LINC00305: variants seen among roughly 807,000 people sequenced by gnomAD.
LINC00305 encodes the protein long independently transcribed non-coding RNA 305.
chr18:64,084,410 G>A (rs543809887), intron 3 of LINC00305, among the ~76,000 whole-genome samples: 7 of 152,046 alleles, frequency 4.6e-5, no homozygotes, highest in Non-Finnish European at 1.0e-4. Context: ...GGTAACAAAT[G>A]TTACCCTGGT....
intron 3 of LINC00305, among the ~76,000 whole-genome samples, chr18:64,092,687 A>ATCTT (rs2051229548): frequency 6.6e-6 from 1 of 152,182 alleles, no homozygotes; most frequent in African/African-American, 2.4e-5. Flanking sequence ...TACTGGGGTG[A>ATCTT]TCTTCCCCAA....
intron 1 of LINC00305, chr18:64,103,952 G>A (rs183444407): frequency 6.5e-4 from 99 of 152,316 alleles, no homozygotes; most frequent in African/African-American, 2.3e-3. Flanking sequence ...ATTTACATAT[G>A]TATATGGTTA....
chr18:64,126,281 A>G (rs1416692241), intron 1 of LINC00305, among the ~76,000 whole-genome samples: 1 of 152,058 alleles, frequency 6.6e-6, no homozygotes. Flanking sequence ...AGATGATAGC[A>G]TTATAAGTGA....
intron 1 of LINC00305, among the ~76,000 whole-genome samples, chr18:64,101,817 A>C (rs2144240602): frequency 6.6e-6 from 1 of 152,288 alleles, no homozygotes; most frequent in South Asian, 2.1e-4. Flanking sequence ...AGTTACTCAA[A>C]TGGAAATCCA....
intron 1 of LINC00305, chr18:64,147,286 G>A (rs2051502529): frequency 1.3e-5 from 2 of 152,172 alleles, no homozygotes; most frequent in Admixed American, 6.5e-5. Flanking sequence ...GTATTTTTAT[G>A]TGGCAACATA....
At chr18:64,138,099 G>A (rs1025439177) in intron 1 of LINC00305, among the ~76,000 whole-genome samples, 3 of 152,170 alleles carry the variant, frequency 2.0e-5, no homozygotes, top group African/African-American at 7.2e-5. Context: ...AGCAGATCAA[G>A]TAGATAACAG....
intron 1 of LINC00305, among the ~76,000 whole-genome samples, chr18:64,133,792 G>T (rs960944218): frequency 2.6e-5 from 4 of 152,034 alleles, no homozygotes; most frequent in African/African-American, 4.8e-5. Context: ...CAACAAAAAA[G>T]GTCTTTCAAC....
At chr18:64,096,381 T>G (rs1370807105) in intron 3 of LINC00305, among the ~76,000 whole-genome samples, 1 of 151,904 alleles carries the variant, frequency 6.6e-6, no homozygotes, top group East Asian at 1.9e-4. Context: ...AGCAAAAATA[T>G]TTTGAAAAAC....
intron 1 of LINC00305, among the ~76,000 whole-genome samples, chr18:64,119,617 T>C (rs1420177214): frequency 1.3e-5 from 2 of 152,120 alleles, no homozygotes; most frequent in African/African-American, 2.4e-5. Context: ...ACAATGCTTT[T>C]TCACATTTTA....
At chr18:64,123,506 G>A (rs2051371217) in intron 1 of LINC00305, among the ~76,000 whole-genome samples, 1 of 151,850 alleles carries the variant, frequency 6.6e-6, no homozygotes, top group Non-Finnish European at 1.5e-5. Flanking sequence ...AAATCACACT[G>A]TACCCCTTTC....
chr18:64,086,939 A>C (rs911764990), intron 3 of LINC00305, among the ~76,000 whole-genome samples: 1 of 152,350 alleles, frequency 6.6e-6, no homozygotes, highest in African/African-American at 2.4e-5. Flanking sequence ...CAAACAGGCT[A>C]AACAGTTTAG....
chr18:64,092,194 C>T (rs1401668433), intron 3 of LINC00305, among the ~76,000 whole-genome samples: 1 of 152,218 alleles, frequency 6.6e-6, no homozygotes, highest in Non-Finnish European at 1.5e-5. Flanking sequence ...TTTCTAGTTT[C>T]ATGTTCTTTT....
intron 1 of LINC00305, among the ~76,000 whole-genome samples, chr18:64,141,533 T>C (rs925720195): frequency 6.6e-5 from 10 of 152,204 alleles, no homozygotes; most frequent in Non-Finnish European, 1.2e-4. Context: ...TAAGTCTCAA[T>C]TCCATCATTC....
rs911930883 is a variant in LINC00305 at position 64,124,377 on chromosome 18, G to A, written n.314+24398C>T. ...TTCCTGACTAAAAGATGACTACTCT[G>A]TGGTCCTATAGCACCTGTGTGTGCC... On this transcript the variant is annotated intron_variant and non_coding_transcript_variant, in intron 1 of 3. Coordinates refer to ENST00000666468, the Ensembl canonical transcript of LINC00305. Among the ~76,000 whole-genome samples the A allele has an allele frequency of 2.0e-5, 3 of 152,212 alleles. 1 individual carries two copies. The highest frequency in any genetic ancestry group is 6.5e-5 in the Admixed American group (1 of 15,282).
chr18:64,081,846 G>T (rs1293856112), intron 3 of LINC00305, among the ~76,000 whole-genome samples: 2 of 152,164 alleles, frequency 1.3e-5, no homozygotes, highest in Non-Finnish European at 2.9e-5. Flanking sequence ...CCTCCAGGTG[G>T]ACATGACCAC....
chr18:64,091,262 CCT>C (rs1266709627), intron 3 of LINC00305, among the ~76,000 whole-genome samples: 2 of 152,170 alleles, frequency 1.3e-5, no homozygotes, highest in African/African-American at 4.8e-5. Flanking sequence ...TATATGCTTT[CCT>C]TTTCTTTCCT....
chr18:64,093,622 C>G (rs1330513012), intron 3 of LINC00305, among the ~76,000 whole-genome samples: 1 of 152,232 alleles, frequency 6.6e-6, no homozygotes, highest in Non-Finnish European at 1.5e-5. Flanking sequence ...GCATGAGCCA[C>G]TGTACCCAGC....
At chr18:64,113,117 C>T (rs887622678) in intron 1 of LINC00305, among the ~76,000 whole-genome samples, 11 of 152,184 alleles carry the variant, frequency 7.2e-5, no homozygotes, top group African/African-American at 2.7e-4. Flanking sequence ...CTGGTCTTTC[C>T]GTTCTTGCAC....
intron 2 of LINC00305, chr18:64,098,069 G>A (rs368269248): frequency 2.0e-4 from 88 of 449,622 alleles, no homozygotes; most frequent in African/African-American, 1.3e-3. Context: ...GATTTATTAC[G>A]TATTATTGAA....
Sources: gnomAD v4.1 joint callset for allele counts (sites outside exome capture counted in the v4.1 genomes callset) on GRCh38, gnomAD v4.1.1 for gene constraint, MANE v1.5 for transcripts, NCBI Gene and HGNC (gene_info 2026-07-23, HGNC 2026-07-21) for gene names.